Variants in FXYD7 observed in about 807,000 individuals in gnomAD.
FXYD7 encodes the protein FXYD domain containing ion transport regulator 7.
FXYD7 carries 7 observed loss-of-function variants against 15.3 expected under a neutral mutation model. The ratio of observed to expected loss-of-function variants is 0.46; its 90% CI spans 0.26 to 0.86. The LOEUF (loss-of-function observed/expected upper bound fraction) is 0.86. Among genes scored for constraint, FXYD7 ranks in the 40% least tolerant of loss-of-function variants. The pLI is 0.16. For synonymous variants in FXYD7, 39 were observed against 39.3 expected (o/e 0.99, Z 0.03); for missense variants, 78 against 100.6 (o/e 0.78, Z 0.96).
chr19:35,148,728 G>A lies in FXYD7; in HGVS notation c.61+5G>A. On this transcript the variant is annotated splice_donor_5th_base_variant and intron_variant, in intron 2 of 5. Transcript: ENST00000270310. ...AACCTGACCCATTTTACTATGGTGA[G>A]TGTTGGATTTGGGGATAGGGCTGGA... 1 of 1,608,616 alleles carries A rather than the reference G, an allele frequency of 6.2e-7. No homozygotes were observed. Among genetic ancestry groups the A allele is most frequent in the Non-Finnish European group, 8.5e-7 (1 of 1,175,824 alleles).
intron 1 of FXYD7, among the ~76,000 whole-genome samples, chr19:35,145,704 G>T (rs564711139): frequency 6.6e-6 from 1 of 152,194 alleles, no homozygotes; most frequent in Non-Finnish European, 1.5e-5. Flanking sequence ...GAGTACTACC[G>T]TCACAATTTT....
chr19:35,144,666 C>CTG (rs1181323783), intron 1 of FXYD7, among the ~76,000 whole-genome samples: 1 of 143,810 alleles, frequency 7.0e-6, no homozygotes, highest in Non-Finnish European at 1.5e-5. Context: ...GCTGCAGAGG[C>CTG]TGGAAGCTAC....
In FXYD7 at chr19:35,148,722, T is replaced by C. The variant is rs776038334; in HGVS notation, c.60T>C (p.Tyr20=). ...CTGAGGAACCTGACCCATTTTACTA[T>C]GGTGAGTGTTGGATTTGGGGATAGG... ...KAPEEPDPFY[Y]DYNTVQTVGM... Residue 20 remains tyrosine, a splice_region_variant and synonymous_variant, in exon 2 of 6, where the codon TAT becomes TAC. Coordinates refer to ENST00000270310, the MANE Select transcript of FXYD7 (RefSeq NM_022006.2). 40 of 1,600,828 alleles carry C rather than the reference T, an allele frequency of 2.5e-5. No individual in the cohort carries two copies. In the African/African-American group the frequency reaches 2.9e-4, roughly 12 times the overall value.
At chr19:35,153,805 A>G in intron 5 of FXYD7, 89 bp from the exon 6 acceptor site, 2 of 1,259,500 alleles carry the variant, frequency 1.6e-6, no homozygotes, top group Admixed American at 1.7e-5. Flanking sequence ...TCTGGCTTCC[A>G]TGGTGCCGGG....
intron 5 of FXYD7, among the ~76,000 whole-genome samples, chr19:35,152,062 C>G (rs146250725): frequency 7.1e-6 from 1 of 141,696 alleles, no homozygotes; most frequent in Non-Finnish European, 1.5e-5. Context: ...TCACCTGAAC[C>G]TGGGAGGTGG....
rs142733872 is a variant in FXYD7 at position 35,152,285 on chromosome 19, C to T, written c.220+612C>T. 1.0e-3 allele frequency among the ~76,000 whole-genome samples: 154 copies of T among 150,852 alleles called. 1 individual carries two copies. The highest frequency in any genetic ancestry group is 3.3e-3 in the African/African-American group (133 of 40,922). Reference sequence around the variant, plus strand: ...AGATTCCCAGAAACAAATGCTCAAGCCTATAAAAGCCAGGACAAGCTGATT... The same window carrying T: ...AGATTCCCAGAAACAAATGCTCAAGTCTATAAAAGCCAGGACAAGCTGATT... On this transcript the variant is annotated intron_variant, in intron 5 of 5. Coordinates refer to ENST00000270310, the MANE Select transcript of FXYD7 (RefSeq NM_022006.2).
At chr19:35,153,427 G>A (rs2065323804) in intron 5 of FXYD7, among the ~76,000 whole-genome samples, 1 of 152,182 alleles carries the variant, frequency 6.6e-6, no homozygotes, top group Non-Finnish European at 1.5e-5. Flanking sequence ...GGGCAGCATG[G>A]GGGTTGGCCT....
intron 5 of FXYD7, among the ~76,000 whole-genome samples, chr19:35,152,877 T>C (rs2145400348): frequency 6.7e-6 from 1 of 149,912 alleles, no homozygotes; most frequent in Middle Eastern, 3.5e-3. Flanking sequence ...AATGCAGCCT[T>C]TCTGGAGACT....
intron 1 of FXYD7, among the ~76,000 whole-genome samples, chr19:35,148,069 AAGAAAGAAAGAAAGAAAGAAAGAAAGAG>A (rs1568405860): frequency 8.4e-5 from 12 of 142,918 alleles, no homozygotes; most frequent in African/African-American, 3.3e-4. Flanking sequence ...GAAAGAAAGA[AAGAAAGAAAGAAAGAAAGAAAGAAAGAG>A]AGAGAGAAAG....
In FXYD7 at chr19:35,151,270, G is replaced by A; in HGVS notation, c.78G>A (p.Gln26=). The A allele has an allele frequency of 6.2e-7, 1 of 1,605,576 alleles. No homozygotes were observed. The highest frequency in any genetic ancestry group is 1.3e-5 in the African/African-American group (1 of 74,806). ...CTTCCCCAGACTACAACACGGTGCA[G>A]ACTGTGGGCATGACTCTGGCAACCA... The part of the protein sequence containing the change: ...DPFYYDYNTV[Q]TVGMTLATIL... Residue 26 remains glutamine (Q), a synonymous_variant, in exon 3 of 6, where the codon CAG becomes CAA. Coordinates refer to ENST00000270310, the MANE Select transcript of FXYD7 (RefSeq NM_022006.2).
chr19:35,148,026 G>GGAGA (rs1366637230), intron 1 of FXYD7, among the ~76,000 whole-genome samples: 29 of 88,556 alleles, frequency 3.3e-4, no homozygotes, highest in African/African-American at 1.3e-3. Flanking sequence ...GAAGAAAGAA[G>GGAGA]GAAAGAAAGA....
chr19:35,149,085 A>G, intron 2 of FXYD7: 1 of 483,492 alleles, frequency 2.1e-6, no homozygotes, highest in South Asian at 1.5e-5. Context: ...TGGGCAAGCA[A>G]CTTTGCCTCT....
chr19:35,151,781 G>T (rs919744918), intron 5 of FXYD7, 108 bp downstream of exon 5: 9 of 780,686 alleles, frequency 1.2e-5, no homozygotes, highest in South Asian at 4.1e-5. Flanking sequence ...GGCGGAGGGG[G>T]GGTGGTGCCT....
chr19:35,148,174 A>C (rs148529226), intron 1 of FXYD7, among the ~76,000 whole-genome samples: 185 of 152,298 alleles, frequency 1.2e-3, no homozygotes, highest in South Asian at 3.3e-3. Flanking sequence ...ATGAATCAGC[A>C]CAGCTTCCCT....
intron 1 of FXYD7, among the ~76,000 whole-genome samples, chr19:35,145,148 A>G (rs2065284896): frequency 1.3e-5 from 2 of 152,144 alleles, no homozygotes; most frequent in African/African-American, 2.4e-5. Context: ...CCTGCATCTC[A>G]CACAGGACCT....
rs2145403089 is a variant in FXYD7 at position 35,154,038 on chromosome 19, A to C, written c.*122A>C. 1.2e-6 allele frequency: 1 copy of C among 857,274 alleles called. No homozygotes were observed. 53.1% of individuals were successfully genotyped at this position (857,274 alleles called of 1,614,324 possible). ...CTCCCCGGAATGAGCCGCCCCACCC[A>C]CCCCAAGGCTGGAGCCGCTGCACCC... On this transcript the variant is annotated 3_prime_UTR_variant, in exon 6 of 6. Coordinates refer to ENST00000270310, the MANE Select transcript of FXYD7 (RefSeq NM_022006.2).
At chr19:35,150,700 A>G (rs1168132610) in intron 2 of FXYD7, among the ~76,000 whole-genome samples, 1 of 152,082 alleles carries the variant, frequency 6.6e-6, no homozygotes, top group East Asian at 1.9e-4. Flanking sequence ...CTGGAGTAGG[A>G]TTGATGGGGA....
chr19:35,154,280 T>A lies in FXYD7; in HGVS notation c.*364T>A. Reference sequence around the variant, plus strand: ...GTGTCCATGTCTTGAGCTTAATAAATGTGCATTTGGTTTTTTCCTCTGTTC... The same window carrying A: ...GTGTCCATGTCTTGAGCTTAATAAAAGTGCATTTGGTTTTTTCCTCTGTTC... On this transcript the variant is annotated 3_prime_UTR_variant, in exon 6 of 6. Transcript: ENST00000270310. 2.8e-6 allele frequency: 1 copy of A among 354,284 alleles called. No homozygotes were observed. The highest frequency in any genetic ancestry group is 5.2e-6 in the Non-Finnish European group (1 of 193,836). 21.9% of individuals were successfully genotyped at this position (354,284 alleles called of 1,614,324 possible).
chr19:35,148,988 A>AT (rs1568406199), intron 2 of FXYD7: 1 of 620,186 alleles, frequency 1.6e-6, no homozygotes, highest in Non-Finnish European at 3.0e-6. Flanking sequence ...AGAGAAGCAG[A>AT]TGAAGGAAAA....
Sources: gnomAD v4.1 joint callset for allele counts (sites outside exome capture counted in the v4.1 genomes callset) on GRCh38, gnomAD v4.1.1 for gene constraint, MANE v1.5 for transcripts, NCBI Gene and HGNC (gene_info 2026-07-23, HGNC 2026-07-21) for gene names.